The following VCPKMT variants were observed in gnomAD, a reference collection of about 807,000 sequenced individuals.
VCPKMT encodes the protein valosin containing protein lysine methyltransferase.
VCPKMT carries 32 observed loss-of-function variants against 28.6 expected under a neutral mutation model. The observed-to-expected ratio is 1.12, with a 90% confidence interval of 0.84 to 1.50. The LOEUF (loss-of-function observed/expected upper bound fraction) is 1.50. Ranked by LOEUF, VCPKMT falls within the 40% of genes most tolerant of loss-of-function variation. VCPKMT has a pLI of 0.00. For missense variants in VCPKMT, 366 were observed against 285.0 expected (o/e 1.28, Z -2.05); for synonymous variants, 138 against 111.4 (o/e 1.24, Z -1.50).
At chr14:50,105,184 T>A (rs1882280186), downstream of VCPKMT, among the ~76,000 whole-genome samples, 1 of 152,234 alleles carries the variant, frequency 6.6e-6, no homozygotes, top group South Asian at 2.1e-4. Context: ...GATGTTTCTA[T>A]AACCCATACT....
the VCPKMT span, among the ~76,000 whole-genome samples, chr14:50,103,034 A>AT: frequency 6.6e-5 from 10 of 152,242 alleles, no homozygotes; most frequent in Non-Finnish European, 7.3e-5. Context: ...CTCTTAAAAC[A>AT]TTATAAGATT....
downstream of VCPKMT, among the ~76,000 whole-genome samples, chr14:50,107,085 T>A (rs531374065): frequency 6.6e-6 from 1 of 152,286 alleles, no homozygotes; most frequent in South Asian, 2.1e-4. Flanking sequence ...CCCAAAAGAC[T>A]AAATTACATT....
At chr14:50,116,214 G>T (rs60114069) in intron 1 of VCPKMT, 35 bp from the exon 2 acceptor site, 3 of 1,613,404 alleles carry the variant, frequency 1.9e-6, no homozygotes, top group Non-Finnish European at 1.7e-6. Context: ...GTAGGCACAG[G>T]GGGGAAAGCC....
downstream of VCPKMT, among the ~76,000 whole-genome samples, chr14:50,104,376 C>A (rs1398469802): frequency 1.3e-5 from 2 of 152,104 alleles, no homozygotes; most frequent in African/African-American, 4.8e-5. Flanking sequence ...GGTGAAAATG[C>A]CTTGAGAATT....
At chr14:50,104,587 A>G (rs765792309), downstream of VCPKMT, among the ~76,000 whole-genome samples, 2 of 152,158 alleles carry the variant, frequency 1.3e-5, no homozygotes, top group Non-Finnish European at 2.9e-5. Context: ...GTTTCCTAAG[A>G]AAAAAGAAAA....
downstream of VCPKMT, among the ~76,000 whole-genome samples, chr14:50,107,913 T>C (rs555068147): frequency 6.6e-6 from 1 of 152,140 alleles, no homozygotes; most frequent in South Asian, 2.1e-4. Context: ...GAGGGCCAGG[T>C]GCAGTGGCTC....
In VCPKMT at chr14:50,116,343, C is replaced by T. The variant is rs778398406; in HGVS notation, c.210G>A (p.Ser70=). The change falls in exon 1 of 6, where the codon TCG becomes TCA. Residue 70 remains serine (S), a synonymous_variant. Transcript: ENST00000395860. The part of the protein sequence containing the change: ...GDGAHALSRR[S]VLELGSGTGA... The stretch of plus-strand genomic sequence containing the variant: ...CGGTGCCCGAACCCAGCTCCAGCAC[C>T]GACCGCCGGCTCAGCGCGTGGGCCC... The T allele has an allele frequency of 8.7e-6, 14 of 1,611,788 alleles. No homozygotes were observed. The highest frequency in any genetic ancestry group is 1.0e-5 in the Non-Finnish European group (12 of 1,179,014).
rs925079105 is a variant in VCPKMT, at chr14:50,110,700, C to G, written c.676-987G>C. On this transcript the variant is annotated intron_variant, in intron 5 of 5. Coordinates refer to ENST00000395860, the MANE Select transcript of VCPKMT (RefSeq NM_024558.3). ...TGCAGTTCTCCTCTAGGTATATACT[C>G]AAGAGGTCTGAAAACATGTTCACAC... is the stretch of plus-strand genomic sequence containing the variant. Among the ~76,000 whole-genome samples the G allele has an allele frequency of 3.3e-5, 5 of 152,298 alleles. No homozygotes were observed. The East Asian group carries it at 9.7e-4, about 29-fold the overall frequency.
Position 50,116,438 on chromosome 14 carries a change from C to T in VCPKMT, c.115G>A (p.Gly39Ser). The part of the protein sequence containing the change: ...RLQQYSSGGV[G>S]CVVWDAAIVL... The stretch of plus-strand genomic sequence containing the variant: ...ATGGCAGCGTCCCACACAACGCAAC[C>T]CACGCCACCGGAGCTATACTGCTGT... The change falls in exon 1 of 6, where the codon GGT (glycine) becomes AGT (serine). Residue 39 changes from glycine (G) to serine (S), a missense_variant. Transcript: ENST00000395860. The T allele has an allele frequency of 3.1e-6, 5 of 1,614,030 alleles. No homozygotes were observed. Among genetic ancestry groups the T allele is most frequent in the South Asian group, 1.1e-5 (1 of 91,084 alleles).
downstream of VCPKMT, among the ~76,000 whole-genome samples, chr14:50,104,066 G>T (rs749271759): frequency 3.3e-5 from 5 of 152,158 alleles, no homozygotes; most frequent in Non-Finnish European, 7.3e-5. Flanking sequence ...TAACTTCAAG[G>T]TCACACAGCT....
In VCPKMT at chr14:50,115,844, C is replaced by T. The variant is rs767872224; in HGVS notation, c.445G>A (p.Glu149Lys). ...FILMADCIYY[E>K]ESLEPLLKTL... is the part of the protein sequence containing the mutation. The stretch of plus-strand genomic sequence containing the variant: ...TTCGCTCACTGGATACTTACCTCTT[C>T]ATAGTATATGCAGTCGGCCATCAGT... Residue 149 changes from glutamate (E) to lysine (K), a missense_variant, in exon 3 of 6, where the codon GAA becomes AAA. Glu to Lys is a moderately conservative substitution (Grantham distance 56). Transcript: ENST00000395860. The T allele has an allele frequency of 6.2e-7, 1 of 1,608,920 alleles. No individual in the cohort carries two copies. The highest frequency in any genetic ancestry group is 8.5e-7 in the Non-Finnish European group (1 of 1,175,734).
chr14:50,103,459 T>C, the VCPKMT span, among the ~76,000 whole-genome samples: 3 of 152,332 alleles, frequency 2.0e-5, no homozygotes, highest in African/African-American at 7.2e-5. Context: ...TGTACTTTAA[T>C]GGCCTGCTAC....
chr14:50,104,314 G>C (rs187528292), downstream of VCPKMT, among the ~76,000 whole-genome samples: 1 of 152,154 alleles, frequency 6.6e-6, no homozygotes, highest in East Asian at 1.9e-4. Flanking sequence ...CAACACATAA[G>C]AACTTCAATG....
rs1051289326 is a variant in VCPKMT at position 50,116,460 on chromosome 14, C to T, written c.93G>A (p.Gln31=). Reference sequence around the variant, plus strand: ...AACCCACGCCACCGGAGCTATACTGCTGTAGTCGTAGCACTGTACCATCCC... The same window carrying T: ...AACCCACGCCACCGGAGCTATACTGTTGTAGTCGTAGCACTGTACCATCCC... ...EKRDGTVLRL[Q]QYSSGGVGCV... Residue 31 remains glutamine, a synonymous_variant, in exon 1 of 6, where the codon CAG becomes CAA. Transcript: ENST00000395860. 6.2e-7 allele frequency: 1 copy of T among 1,614,072 alleles called. No homozygotes were observed. The highest frequency in any genetic ancestry group is 8.5e-7 in the Non-Finnish European group (1 of 1,179,974).
At chr14:50,114,159 C>A in intron 4 of VCPKMT, 126 bp downstream of exon 4, 1 of 918,696 alleles carries the variant, frequency 1.1e-6, no homozygotes, top group South Asian at 3.7e-5. Context: ...TGTGAAGATC[C>A]TTTCCTCAGC....
chr14:50,111,374 T>TA (rs1882645668), intron 5 of VCPKMT: 1 of 985,344 alleles, frequency 1.0e-6, no homozygotes, highest in African/African-American at 1.7e-5. Context: ...CCTTTTTACT[T>TA]AGATTTAGTC....
chr14:50,112,329 T>C (rs1882730044), intron 5 of VCPKMT, among the ~76,000 whole-genome samples: 3 of 140,160 alleles, frequency 2.1e-5, no homozygotes, highest in African/African-American at 8.0e-5. Context: ...GCGGATCACT[T>C]GAGCCCAGGA....
Position 50,109,107 on chromosome 14 carries a change from A to G in VCPKMT, c.*592T>C. On this transcript the variant is annotated 3_prime_UTR_variant, in exon 6 of 6. Transcript: ENST00000395860. Reference sequence around the variant, plus strand: ...CACATAGATATGTATGGTGGAGGAAAAGAAAACTTTGGCTAATATAAGTAT... The same window carrying G: ...CACATAGATATGTATGGTGGAGGAAGAGAAAACTTTGGCTAATATAAGTAT... The G allele has an allele frequency of 1.0e-6, 1 of 971,416 alleles. No homozygotes were observed. Among genetic ancestry groups the G allele is most frequent in the Non-Finnish European group, 1.2e-6 (1 of 817,078 alleles). 60.2% of individuals were successfully genotyped at this position (971,416 alleles called of 1,614,324 possible). A position where few individuals can be genotyped will look rare whatever the true frequency, so the allele number is the denominator to read the frequency against.
intron 5 of VCPKMT, among the ~76,000 whole-genome samples, chr14:50,110,692 T>C (rs189944308): frequency 6.6e-6 from 1 of 152,268 alleles, no homozygotes; most frequent in East Asian, 1.9e-4. Context: ...CTCCTCTAGG[T>C]ATATACTCAA....
Sources: gnomAD v4.1 joint callset for allele counts (sites outside exome capture counted in the v4.1 genomes callset) on GRCh38, gnomAD v4.1.1 for gene constraint, MANE v1.5 for transcripts, NCBI Gene and HGNC (gene_info 2026-07-23, HGNC 2026-07-21) for gene names.